The following ENOSF1 variants were observed in gnomAD, a reference collection of about 807,000 sequenced individuals.
ENOSF1 encodes the protein mitochondrial enolase superfamily member 1.
In ENOSF1, 73 loss-of-function variants were observed where a neutral mutation model predicts 68.2. The ratio of observed to expected loss-of-function variants is 1.07; its 90% CI spans 0.89 to 1.30. The LOEUF is 1.30. Among genes scored for constraint, ENOSF1 ranks in the 50% most tolerant of loss-of-function variants. ENOSF1 has a pLI of 0.00. For synonymous variants in ENOSF1, 223 were observed against 210.4 expected (o/e 1.06, Z -0.52); for missense variants, 589 against 554.5 (o/e 1.06, Z -0.62).
chr18:670,167 C>T (rs1190573780), downstream of ENOSF1, among the ~76,000 whole-genome samples: 1 of 151,722 alleles, frequency 6.6e-6, no homozygotes, highest in African/African-American at 2.4e-5. Flanking sequence ...TCCTCAGCCC[C>T]AGAGCTGGGA....
At chr18:667,529 A>AGATGGTGATGGTGATGGTGATGGT (rs1332006193), downstream of ENOSF1, among the ~76,000 whole-genome samples, 1 of 16,934 alleles carries the variant, frequency 5.9e-5, no homozygotes, top group Non-Finnish European at 9.5e-5. Context: ...ATGGTGATGG[A>AGATGGTGATGGTGATGGTGATGGT]GATGGTGATG....
chr18:693,066 A>T (rs1195945690), intron 5 of ENOSF1: 15 of 1,285,756 alleles, frequency 1.2e-5, no homozygotes, highest in Non-Finnish European at 1.5e-5. Flanking sequence ...AAGGTCATGC[A>T]GCTGGTGAGC....
At chr18:678,877 C>T in intron 11 of ENOSF1, 140 bp from the exon 12 acceptor site, 1 of 826,878 alleles carries the variant, frequency 1.2e-6, no homozygotes, top group South Asian at 1.6e-5. Flanking sequence ...AAAGGATGTC[C>T]AGGGGAACAC....
At chr18:665,851 CTA>C (rs1190366605), downstream of ENOSF1, among the ~76,000 whole-genome samples, 2 of 97,888 alleles carry the variant, frequency 2.0e-5, 1 homozygote, top group Non-Finnish European at 3.8e-5. Flanking sequence ...GTTCTGAGTT[CTA>C]GTTTGATTGC....
the ENOSF1 span, among the ~76,000 whole-genome samples, chr18:664,357 A>G: frequency 6.7e-6 from 1 of 149,464 alleles, no homozygotes. Flanking sequence ...TGATTTTTGC[A>G]GATTGATTTT....
chr18:668,534 C>CTAAAG (rs1305872956), downstream of ENOSF1, among the ~76,000 whole-genome samples: 2 of 152,088 alleles, frequency 1.3e-5, no homozygotes, highest in Admixed American at 6.6e-5. Flanking sequence ...CTGCTAAACT[C>CTAAAG]TAAAGTAATT....
At chr18:684,514 G>A (rs1212872326) in intron 10 of ENOSF1, among the ~76,000 whole-genome samples, 3 of 152,086 alleles carry the variant, frequency 2.0e-5, no homozygotes, top group African/African-American at 7.2e-5. Context: ...GGGTGACTGA[G>A]TGAGACCCTA....
In ENOSF1 at chr18:692,059, TCTC is replaced by T. The variant is rs1326660284; in HGVS notation, c.424-786_424-784del. ...AGCAGTGTGACCTCCGGCAGCTTCT[TCTC>T]CTGCCAAATGGGGATGTTTGCTTCA... On this transcript the variant is annotated intron_variant, in intron 5 of 15. Transcript: ENST00000647584. The T allele has an allele frequency of 1.1e-4, 17 of 152,316 alleles. 1 individual carries two copies. The highest frequency in any genetic ancestry group is 3.4e-4 in the African/African-American group (14 of 41,564). 9.4% of individuals were successfully genotyped at this position (152,316 alleles called of 1,614,324 possible).
chr18:690,680 G>A (rs548411400), intron 7 of ENOSF1, 49 bp from the exon 8 acceptor site: 52 of 1,252,040 alleles, frequency 4.2e-5, no homozygotes, highest in African/African-American at 9.7e-5. Flanking sequence ...AGGGCCCTTC[G>A]GAATTGGAAG....
intron 1 of ENOSF1, chr18:712,284 A>T: frequency 6.5e-7 from 1 of 1,530,092 alleles, no homozygotes; most frequent in Non-Finnish European, 8.7e-7. Context: ...ATGGGTTCGA[A>T]GTCGGGAAGC....
chr18:693,779 C>T, intron 5 of ENOSF1, 103 bp downstream of exon 5: 2 of 1,564,982 alleles, frequency 1.3e-6, no homozygotes, highest in South Asian at 1.2e-5. Context: ...CTATAGTGAT[C>T]AACAGATAGT....
chr18:686,083 G>T, intron 9 of ENOSF1, 75 bp from the exon 10 acceptor site: 1 of 1,009,608 alleles, frequency 9.9e-7, no homozygotes, highest in East Asian at 2.4e-5. Context: ...TTCTGCAGAA[G>T]TGACCGTCTC....
chr18:685,160 T>C (rs577466614), intron 10 of ENOSF1, among the ~76,000 whole-genome samples: 5 of 151,450 alleles, frequency 3.3e-5, no homozygotes, highest in South Asian at 4.2e-4. Context: ...CATATAATGC[T>C]AACACTTTTT....
At position 703,824 on chromosome 18, in the gene ENOSF1, G is replaced by C. The variant is rs570151183; in HGVS notation, c.193+2646C>G. The stretch of plus-strand genomic sequence containing the variant: ...GGGGCCTGGTGGGAGGTGATTATTA[G>C]ATCTTGGAGGTGGATTTCTCCTGAA... On this transcript the variant is annotated intron_variant, in intron 2 of 15. Coordinates refer to ENST00000647584, the MANE Select transcript of ENOSF1 (RefSeq NM_017512.7). Among the ~76,000 whole-genome samples, 3 of 152,312 alleles carry C rather than the reference G, an allele frequency of 2.0e-5. No individual in the cohort carries two copies. The South Asian group carries it at 6.2e-4, about 32-fold the overall frequency.
At chr18:674,766 T>G (rs1458785061) in intron 15 of ENOSF1, among the ~76,000 whole-genome samples, 10 of 152,220 alleles carry the variant, frequency 6.6e-5, no homozygotes, top group Admixed American at 2.0e-4. Context: ...ATGATCCACC[T>G]GCCTCAGCCT....
Position 670,642 on chromosome 18 carries a change from T to G in ENOSF1, c.*3663A>C. ...TCCTGTTTTACTTTGCCTTTAGCTG[T>G]GGTCTTTCAAACCACCATCCCTCCT... On this transcript the variant is annotated 3_prime_UTR_variant, in exon 16 of 16. Transcript: ENST00000647584. The G allele has an allele frequency of 6.3e-7, 1 of 1,598,030 alleles. No individual in the cohort carries two copies. The highest frequency in any genetic ancestry group is 8.6e-7 in the Non-Finnish European group (1 of 1,169,414).
At chr18:686,608 ATC>A (rs2076630497) in intron 9 of ENOSF1, among the ~76,000 whole-genome samples, 1 of 152,004 alleles carries the variant, frequency 6.6e-6, no homozygotes. Context: ...GAGCTCCTTA[ATC>A]TCTGTGGATG....
At chr18:711,191 T>A (rs2079495379) in intron 1 of ENOSF1, among the ~76,000 whole-genome samples, 1 of 151,660 alleles carries the variant, frequency 6.6e-6, no homozygotes, top group African/African-American at 2.4e-5. Flanking sequence ...AATAAATAAA[T>A]TTAAAACATA....
intron 10 of ENOSF1, among the ~76,000 whole-genome samples, chr18:683,615 G>A (rs909637492): frequency 3.9e-5 from 6 of 152,116 alleles, no homozygotes; most frequent in Non-Finnish European, 5.9e-5. Context: ...ATCGCTTGAG[G>A]AGCCACTGGA....
Sources: allele counts gnomAD v4.1 joint callset (sites outside exome capture counted in the v4.1 genomes callset), GRCh38; gene constraint gnomAD v4.1.1; transcripts MANE v1.5; gene names NCBI Gene and HGNC (gene_info 2026-07-23, HGNC 2026-07-21).